Variants in SLC35G2 observed in about 807,000 individuals in gnomAD.
SLC35G2 encodes the protein solute carrier family 35 member G2.
SLC35G2 carries 20 observed loss-of-function variants against 27.2 expected under a neutral mutation model. The ratio of observed to expected loss-of-function variants is 0.74; its 90% CI spans 0.52 to 1.07. The LOEUF (loss-of-function observed/expected upper bound fraction) is 1.07, where lower values mean the gene tolerates loss of function less well. Among genes scored for constraint, SLC35G2 ranks in the 50% least tolerant of loss-of-function variants. The probability of loss-of-function intolerance (pLI) is 0.00; values close to 1 mark genes in which losing one functional copy is unlikely to be tolerated. For missense variants in SLC35G2, 416 were observed against 493.3 expected (o/e 0.84, Z 1.48); for synonymous variants, 148 against 165.3 (o/e 0.90, Z 0.80).
intron 1 of SLC35G2, among the ~76,000 whole-genome samples, chr3:136,827,446 T>C (rs1261419214): frequency 6.6e-6 from 1 of 152,226 alleles, no homozygotes; most frequent in African/African-American, 2.4e-5. Context: ...ATTACTGGGC[T>C]CAAGCAATCT....
chr3:136,835,513 TGTTAA>T (rs1286626189), intron 1 of SLC35G2, among the ~76,000 whole-genome samples: 21 of 152,298 alleles, frequency 1.4e-4, no homozygotes, highest in Non-Finnish European at 2.8e-4. Context: ...ATTTCTCCAC[TGTTAA>T]GTTATTCTCT....
intron 1 of SLC35G2, among the ~76,000 whole-genome samples, chr3:136,846,202 C>A (rs1937369664): frequency 6.6e-6 from 1 of 152,150 alleles, no homozygotes; most frequent in African/African-American, 2.4e-5. Flanking sequence ...TTTGGACATG[C>A]CGACGTGCCA....
At chr3:136,841,064 A>G (rs1275936381) in intron 1 of SLC35G2, among the ~76,000 whole-genome samples, 1 of 149,952 alleles carries the variant, frequency 6.7e-6, no homozygotes, top group African/African-American at 2.5e-5. Context: ...CTGAGCTCAA[A>G]GTGATCTGCC....
chr3:136,849,627 G>T (rs896873292), intron 1 of SLC35G2, among the ~76,000 whole-genome samples: 1 of 151,780 alleles, frequency 6.6e-6, no homozygotes, highest in African/African-American at 2.4e-5. Flanking sequence ...AAGTAGCTGG[G>T]ACTACAGGCA....
chr3:136,855,462 A>T lies in SLC35G2; in HGVS notation c.1002A>T (p.Gly334=), dbSNP rs369131972. 1 of 1,614,110 alleles carries T rather than the reference A, an allele frequency of 6.2e-7. No individual in the cohort carries two copies. Residue 334 remains glycine (G), a synonymous_variant, in exon 2 of 2, where the codon GGA becomes GGT. Coordinates refer to ENST00000446465, the MANE Select transcript of SLC35G2 (RefSeq NM_025246.3). ...ICVCSTAAFL[G]VYYALDKFHP... is the part of the protein sequence containing the mutation. ...TCTGTTCTACTGCAGCATTCTTAGG[A>T]GTTTATTATGCCTTGGACAAATTCC...
Position 136,841,558 on chromosome 3 carries a change from G to A in SLC35G2, c.-18-12885G>A, listed in dbSNP as rs757893810. Among the ~76,000 whole-genome samples, 13 of 151,928 alleles carry A rather than the reference G, an allele frequency of 8.6e-5. No individual in the cohort carries two copies. The South Asian group carries it at 2.3e-3, about 27-fold the overall frequency. ...AGCCTGACTAACATGGAGAAACCCC[G>A]TCTCTACTAAAAATATAAAAAAATT... is the stretch of plus-strand genomic sequence containing the variant. On this transcript the variant is annotated intron_variant, in intron 1 of 1. Coordinates refer to ENST00000446465, the MANE Select transcript of SLC35G2 (RefSeq NM_025246.3).
At chr3:136,824,671 A>G (rs768482505) in intron 1 of SLC35G2, among the ~76,000 whole-genome samples, 52 of 152,198 alleles carry the variant, frequency 3.4e-4, no homozygotes, top group Admixed American at 1.2e-3. Flanking sequence ...AGGTTTTTCC[A>G]AATATAAGAT....
chr3:136,828,773 T>A (rs1308236755), intron 1 of SLC35G2, among the ~76,000 whole-genome samples: 1 of 152,168 alleles, frequency 6.6e-6, no homozygotes, highest in Non-Finnish European at 1.5e-5. Context: ...TGCCATTTTG[T>A]TACTTGTTTT....
intron 1 of SLC35G2, chr3:136,846,507 T>A (rs746746603): frequency 8.5e-5 from 13 of 152,226 alleles, no homozygotes; most frequent in Non-Finnish European, 1.3e-4. Flanking sequence ...AGTAGACACC[T>A]CTGCCTTAGT....
Position 136,854,922 on chromosome 3 carries a change from T to G in SLC35G2, c.462T>G (p.Tyr154Ter). ...TATCTGTGTTAGTTGTGTGTTACTA[T>G]CAGGAGGCCCCCTTTGGACCCAGTG... The part of the protein sequence containing the change: ...QVLSVLVVCY[Y>*]QEAPFGPSGY... The change falls in exon 2 of 2, where the codon TAT becomes TAG. Residue 154 changes from tyrosine to a stop codon, truncating the protein, a stop_gained. Transcript: ENST00000446465. LOFTEE classifies it high-confidence loss of function. 1.9e-6 allele frequency: 3 copies of G among 1,614,190 alleles called. No homozygotes were observed. In the South Asian group the frequency reaches 3.3e-5, roughly 18 times the overall value.
intron 1 of SLC35G2, among the ~76,000 whole-genome samples, chr3:136,835,903 T>A (rs1355788659): frequency 3.3e-5 from 5 of 152,224 alleles, no homozygotes; most frequent in Admixed American, 3.3e-4. Context: ...CTCTGTATCA[T>A]TCTGAGAGTA....
intron 1 of SLC35G2, among the ~76,000 whole-genome samples, chr3:136,836,676 G>A (rs1936880693): frequency 6.6e-6 from 1 of 152,070 alleles, no homozygotes; most frequent in East Asian, 1.9e-4. Context: ...CAAGCCAAAT[G>A]CTCTACCTGC....
intron 1 of SLC35G2, among the ~76,000 whole-genome samples, chr3:136,828,702 T>C (rs1300410440): frequency 6.6e-6 from 1 of 152,232 alleles, no homozygotes; most frequent in Non-Finnish European, 1.5e-5. Context: ...AGCCAGTCTG[T>C]GTCTTTGGAT....
intron 1 of SLC35G2, among the ~76,000 whole-genome samples, chr3:136,836,334 C>T (rs1338900293): frequency 2.0e-5 from 3 of 152,092 alleles, no homozygotes; most frequent in African/African-American, 7.2e-5. Context: ...TAACTATTTA[C>T]TCATTCTTCT....
At chr3:136,844,105 T>C (rs1303744467) in intron 1 of SLC35G2, among the ~76,000 whole-genome samples, 2 of 152,086 alleles carry the variant, frequency 1.3e-5, no homozygotes, top group African/African-American at 4.8e-5. Flanking sequence ...TCAAGGAGAA[T>C]TGCTTGAACC....
chr3:136,832,992 C>T lies in SLC35G2; in HGVS notation c.-19+13364C>T, dbSNP rs186024169. Among the ~76,000 whole-genome samples, 1,132 of 151,134 alleles carry T rather than the reference C, an allele frequency of 7.5e-3. 19 individuals carry two copies. Among genetic ancestry groups the T allele is most frequent in the African/African-American group, 0.025 (1,019 of 41,114 alleles). On this transcript the variant is annotated intron_variant, in intron 1 of 1. Coordinates refer to ENST00000446465, the MANE Select transcript of SLC35G2 (RefSeq NM_025246.3). ...GCTGAGGCAGGAGAATGGCATGAACCTGGGAGGCGGAGCTTGCAGTGAGCT... is the reference window on the plus strand; with the variant it reads ...GCTGAGGCAGGAGAATGGCATGAACTTGGGAGGCGGAGCTTGCAGTGAGCT...
intron 1 of SLC35G2, among the ~76,000 whole-genome samples, chr3:136,830,971 C>G (rs1299028112): frequency 6.6e-6 from 1 of 152,204 alleles, no homozygotes; most frequent in African/African-American, 2.4e-5. Flanking sequence ...GCATAAAAAT[C>G]ACTTGCTTTG....
In SLC35G2 at chr3:136,854,577, A is replaced by C; in HGVS notation, c.117A>C (p.Glu39Asp). ...HYPQPGDDGYEEINEGYGNFM... is the reference protein window; with the variant it reads ...HYPQPGDDGYDEINEGYGNFM... ...CCCAGCCTGGCGATGATGGATATGA[A>C]GAAATCAATGAAGGCTATGGAAATT... is the stretch of plus-strand genomic sequence containing the variant. The change falls in exon 2 of 2, where the codon GAA (glutamate) becomes GAC (aspartate). Residue 39 changes from glutamate to aspartate, a missense_variant. By Grantham distance (45) the Glu-to-Asp change is conservative (BLOSUM62 2). Coordinates refer to ENST00000446465, the MANE Select transcript of SLC35G2 (RefSeq NM_025246.3). 2.5e-6 allele frequency: 4 copies of C among 1,613,452 alleles called. No individual in the cohort carries two copies. Among genetic ancestry groups the C allele is most frequent in the Non-Finnish European group, 3.4e-6 (4 of 1,179,896 alleles).
intron 1 of SLC35G2, among the ~76,000 whole-genome samples, chr3:136,840,534 C>T (rs1213543814): frequency 2.7e-5 from 4 of 150,382 alleles, no homozygotes; most frequent in Non-Finnish European, 5.9e-5. Flanking sequence ...CTCTCCCTCC[C>T]TCCCTCTCTC....
Sources: allele counts gnomAD v4.1 joint callset (sites outside exome capture counted in the v4.1 genomes callset), GRCh38; gene constraint gnomAD v4.1.1; transcripts MANE v1.5; gene names NCBI Gene and HGNC (gene_info 2026-07-23, HGNC 2026-07-21).